Variants in TMCC1 observed in about 807,000 individuals in gnomAD.
TMCC1 encodes the protein transmembrane and coiled-coil domains protein 1.
A neutral mutation model predicts 52.4 loss-of-function variants in TMCC1; 15 were observed. The ratio of observed to expected loss-of-function variants is 0.29; its 90% CI spans 0.19 to 0.44. TMCC1 has a LOEUF of 0.44. Ranked by LOEUF, TMCC1 falls within the 20% of genes least tolerant of loss-of-function variation. TMCC1 has a pLI of 1.00. For synonymous variants in TMCC1, 279 were observed against 301.9 expected (o/e 0.92, Z 0.79); for missense variants, 503 against 806.0 (o/e 0.62, Z 4.55).
chr3:129,804,988 T>C (rs965548249), intron 4 of TMCC1, among the ~76,000 whole-genome samples: 2 of 152,198 alleles, frequency 1.3e-5, no homozygotes, highest in Non-Finnish European at 2.9e-5. Context: ...ATCACCACTT[T>C]TGTGAGCCAA....
chr3:129,868,724 G>A (rs899174287), intron 2 of TMCC1, among the ~76,000 whole-genome samples: 1 of 152,194 alleles, frequency 6.6e-6, no homozygotes, highest in Admixed American at 6.5e-5. Flanking sequence ...ACAGGCGTGA[G>A]CCACTGCGCC....
In TMCC1 at chr3:129,854,415, TCTGA is replaced by T. The variant is rs1250748895; in HGVS notation, c.-183-21593_-183-21590del. Among the ~76,000 whole-genome samples the T allele has an allele frequency of 4.9e-5, 7 of 144,224 alleles. No homozygotes were observed. In the East Asian group the frequency reaches 1.4e-3, roughly 30 times the overall value. The allele number at this position is 144,224 out of a possible 152,430, so 94.6% of individuals were successfully genotyped here. A position where few individuals can be genotyped will look rare whatever the true frequency, so the allele number is the denominator to read the frequency against. ...AAAAAAAAGAAAAAAAAAAAGAAAA[TCTGA>T]CTATGTCCTTTCTTGCTTAAAAACC... On this transcript the variant is annotated intron_variant, in intron 2 of 6. Coordinates refer to ENST00000393238, the MANE Select transcript of TMCC1 (RefSeq NM_001017395.5).
intron 4 of TMCC1, among the ~76,000 whole-genome samples, chr3:129,759,585 G>GTTTT (rs368094253): frequency 1.5e-5 from 2 of 136,318 alleles, no homozygotes; most frequent in Non-Finnish European, 1.5e-5. Context: ...ATTTTTGAGA[G>GTTTT]TTTTTTTTTT....
At chr3:129,757,892 C>A (rs561872535) in intron 4 of TMCC1, among the ~76,000 whole-genome samples, 4 of 151,596 alleles carry the variant, frequency 2.6e-5, no homozygotes, top group Non-Finnish European at 5.9e-5. Context: ...TGACTCCATG[C>A]ATTTGTCCAA....
In TMCC1 at chr3:129,670,487, G is replaced by A. The variant is rs774568800; in HGVS notation, c.1354C>T (p.Leu452=). The A allele has an allele frequency of 6.2e-7, 1 of 1,614,202 alleles. No homozygotes were observed. Among genetic ancestry groups the A allele is most frequent in the South Asian group, 1.1e-5 (1 of 91,080 alleles). ...TCAAATCCTGAGCTCTGCATGTCCA[G>A]GGTGTTTGTTTTGGAGCTGGATGCT... The part of the protein sequence containing the change: ...VGASSSKTNT[L]DMQSSGFDAL... The change falls in exon 5 of 7, where the codon CTG becomes TTG. Residue 452 remains leucine (L), a synonymous_variant. Coordinates refer to ENST00000393238, the MANE Select transcript of TMCC1 (RefSeq NM_001017395.5).
intron 1 of TMCC1, among the ~76,000 whole-genome samples, chr3:129,888,433 A>T (rs972874101): frequency 3.9e-5 from 6 of 152,212 alleles, no homozygotes; most frequent in Non-Finnish European, 8.8e-5. Context: ...TATCACCCAG[A>T]TCTTGGTTTG....
intron 5 of TMCC1, among the ~76,000 whole-genome samples, chr3:129,664,588 T>G (rs1184138257): frequency 1.3e-5 from 2 of 152,180 alleles, no homozygotes; most frequent in African/African-American, 4.8e-5. Flanking sequence ...GCTTTCAAAA[T>G]GGCATTAATG....
intron 4 of TMCC1, among the ~76,000 whole-genome samples, chr3:129,760,400 TAG>T (rs1491430946): frequency 9.3e-5 from 6 of 64,656 alleles, no homozygotes; most frequent in East Asian, 1.1e-3. Flanking sequence ...CACGCCAGGC[TAG>T]TGTGTGTGTG....
At chr3:129,786,720 C>T (rs968741500) in intron 4 of TMCC1, among the ~76,000 whole-genome samples, 3 of 152,290 alleles carry the variant, frequency 2.0e-5, no homozygotes, top group Admixed American at 6.5e-5. Context: ...GTCATAGCAG[C>T]ATGCTTTGTC....
intron 5 of TMCC1, among the ~76,000 whole-genome samples, chr3:129,661,244 A>G (rs538701628): frequency 6.6e-6 from 1 of 152,192 alleles, no homozygotes; most frequent in Non-Finnish European, 1.5e-5. Flanking sequence ...TGGGCAAAAT[A>G]GCAAAACCCT....
chr3:129,795,429 A>C lies in TMCC1; in HGVS notation c.576+32374T>G, dbSNP rs72985378. Among the ~76,000 whole-genome samples, 566 of 148,164 alleles carry C rather than the reference A, an allele frequency of 3.8e-3. 2 individuals are homozygous for C. The highest frequency in any genetic ancestry group is 0.013 in the African/African-American group (507 of 40,124). On this transcript the variant is annotated intron_variant, in intron 4 of 6. Coordinates refer to ENST00000393238, the MANE Select transcript of TMCC1 (RefSeq NM_001017395.5). ...TTGTTCATTACTTCTGAATGAATTT[A>C]GTACTGTTTAGGGCAGAACTCATTC...
chr3:129,716,098 A>T (rs912213232), intron 4 of TMCC1, among the ~76,000 whole-genome samples: 26 of 152,164 alleles, frequency 1.7e-4, no homozygotes, highest in African/African-American at 6.0e-4. Flanking sequence ...ATTTACAACA[A>T]AAAGGACACT....
At chr3:129,892,743 A>G (rs2062029035) in intron 1 of TMCC1, 1 of 152,188 alleles carries the variant, frequency 6.6e-6, no homozygotes, top group Non-Finnish European at 1.5e-5. Context: ...CTCACCAAGA[A>G]TGTTGTTAAG....
chr3:129,754,512 G>A (rs981523974), intron 4 of TMCC1, among the ~76,000 whole-genome samples: 11 of 152,112 alleles, frequency 7.2e-5, no homozygotes, highest in African/African-American at 2.2e-4. Context: ...GGAAGGATAC[G>A]GTCCACAGAT....
At chr3:129,837,480 C>T (rs1473035108) in intron 2 of TMCC1, among the ~76,000 whole-genome samples, 1 of 152,160 alleles carries the variant, frequency 6.6e-6, no homozygotes, top group Non-Finnish European at 1.5e-5. Flanking sequence ...TAATAAACAT[C>T]AAACACAGCC....
chr3:129,763,110 A>C lies in TMCC1; in HGVS notation c.576+64693T>G, dbSNP rs372030696. 4.6e-5 allele frequency among the ~76,000 whole-genome samples: 7 copies of C among 151,058 alleles called. No individual in the cohort carries two copies. In the East Asian group the frequency reaches 1.4e-3, roughly 29 times the overall value. On this transcript the variant is annotated intron_variant, in intron 4 of 6. Coordinates refer to ENST00000393238, the MANE Select transcript of TMCC1 (RefSeq NM_001017395.5). The stretch of plus-strand genomic sequence containing the variant: ...CTACTTGGGAGGCTGAGGCAGGAGA[A>C]TGGCGTGAACCCGGGAGGCGGAGCT...
chr3:129,878,830 A>G (rs1464880822), intron 2 of TMCC1, among the ~76,000 whole-genome samples: 2 of 152,330 alleles, frequency 1.3e-5, no homozygotes, highest in African/African-American at 4.8e-5. Context: ...CCCCAAGGTA[A>G]TTCATGTGCA....
chr3:129,769,183 C>T (rs954017711), intron 4 of TMCC1, among the ~76,000 whole-genome samples: 1 of 152,240 alleles, frequency 6.6e-6, no homozygotes, highest in African/African-American at 2.4e-5. Flanking sequence ...CCCAGGATGG[C>T]TTTGAATGCA....
intron 1 of TMCC1, among the ~76,000 whole-genome samples, chr3:129,882,674 G>A (rs761064574): frequency 2.6e-5 from 4 of 152,134 alleles, no homozygotes; most frequent in Non-Finnish European, 4.4e-5. Flanking sequence ...CATATACAAT[G>A]GAATACTATG....
Sources: gnomAD v4.1 joint callset for allele counts (sites outside exome capture counted in the v4.1 genomes callset) on GRCh38, gnomAD v4.1.1 for gene constraint, MANE v1.5 for transcripts, NCBI Gene and HGNC (gene_info 2026-07-23, HGNC 2026-07-21) for gene names.